GABRG1: variants seen among roughly 807,000 people sequenced by gnomAD.
GABRG1 encodes the protein gamma-aminobutyric acid type A receptor subunit gamma1, also known as gamma-aminobutyric acid receptor subunit gamma-1.
Under a neutral mutation model 49.8 loss-of-function variants are expected in GABRG1, and 49 were observed. That is an observed-to-expected ratio of 0.98 (90% CI 0.78 to 1.25). The LOEUF is 1.25. Among genes scored for constraint, GABRG1 ranks in the 50% most tolerant of loss-of-function variants. The pLI is 0.00. For synonymous variants in GABRG1, 232 were observed against 185.1 expected, an observed-to-expected ratio of 1.25 and a Z score of -2.06; for missense variants, 552 against 552.3, an observed-to-expected ratio of 1.00 and a Z score of 0.01.
At chr4:46,086,536 T>G (rs566990318) in intron 2 of GABRG1, among the ~76,000 whole-genome samples, 1 of 151,718 alleles carries the variant, frequency 6.6e-6, no homozygotes, top group Non-Finnish European at 1.5e-5. Flanking sequence ...TTAGGTCAAT[T>G]AAAAACTCTA....
At chr4:46,095,801 G>A (rs1720146256) in intron 2 of GABRG1, among the ~76,000 whole-genome samples, 1 of 151,796 alleles carries the variant, frequency 6.6e-6, no homozygotes, top group African/African-American at 2.4e-5. Flanking sequence ...ATATACCAAT[G>A]ATGAGAATTT....
intron 5 of GABRG1, among the ~76,000 whole-genome samples, chr4:46,061,051 ACT>A (rs562254832): frequency 8.5e-4 from 130 of 152,270 alleles, no homozygotes; most frequent in African/African-American, 2.9e-3. Context: ...ACCCAATTAA[ACT>A]CACAAAGATA....
At chr4:46,115,350 T>C (rs769021252) in intron 1 of GABRG1, among the ~76,000 whole-genome samples, 12 of 150,728 alleles carry the variant, frequency 8.0e-5, no homozygotes, top group Non-Finnish European at 1.2e-4. Flanking sequence ...AATTATTCCG[T>C]AAGTTGTGTT....
chr4:46,105,339 A>T (rs1012545146), intron 1 of GABRG1, among the ~76,000 whole-genome samples: 2 of 151,498 alleles, frequency 1.3e-5, no homozygotes, highest in Non-Finnish European at 3.0e-5. Flanking sequence ...AAAGAAAATG[A>T]AGCAAACGTC....
chr4:46,045,502 TA>T (rs1278277669), intron 8 of GABRG1, among the ~76,000 whole-genome samples: 1 of 151,440 alleles, frequency 6.6e-6, no homozygotes, highest in African/African-American at 2.4e-5. Flanking sequence ...ATAAGAATAT[TA>T]AGTAATGAGG....
chr4:46,045,666 T>A (rs1258705462), intron 8 of GABRG1, among the ~76,000 whole-genome samples: 1 of 151,964 alleles, frequency 6.6e-6, no homozygotes, highest in East Asian at 1.9e-4. Flanking sequence ...TTAATCACAA[T>A]AATGAATTCA....
intron 3 of GABRG1, among the ~76,000 whole-genome samples, chr4:46,079,364 A>G (rs1719478575): frequency 6.6e-6 from 1 of 151,980 alleles, no homozygotes; most frequent in Non-Finnish European, 1.5e-5. Flanking sequence ...AAGAGGAATC[A>G]GAATTTCTAG....
chr4:46,098,193 G>A (rs917259033), intron 1 of GABRG1, among the ~76,000 whole-genome samples: 2 of 151,642 alleles, frequency 1.3e-5, no homozygotes, highest in African/African-American at 4.8e-5. Context: ...AGATTCAGCT[G>A]ACTTCTGAAT....
chr4:46,105,114 T>C (rs1191850505), intron 1 of GABRG1, among the ~76,000 whole-genome samples: 1 of 151,304 alleles, frequency 6.6e-6, no homozygotes, highest in Non-Finnish European at 1.5e-5. Flanking sequence ...ACTCCATTTT[T>C]TATAAGCAAG....
chr4:46,086,166 T>C (rs1719744803), intron 2 of GABRG1, among the ~76,000 whole-genome samples: 1 of 151,602 alleles, frequency 6.6e-6, no homozygotes, highest in African/African-American at 2.4e-5. Context: ...TGCTTTAAGT[T>C]GCTCAACAGG....
At chr4:46,103,356 A>T (rs910269397) in intron 1 of GABRG1, among the ~76,000 whole-genome samples, 7 of 151,644 alleles carry the variant, frequency 4.6e-5, no homozygotes, top group Non-Finnish European at 8.9e-5. Context: ...TACAGAAAAA[A>T]TTCACTGGAT....
chr4:46,094,930 T>A (rs1416433819), intron 2 of GABRG1, among the ~76,000 whole-genome samples: 1 of 151,656 alleles, frequency 6.6e-6, no homozygotes, highest in African/African-American at 2.4e-5. Context: ...CACAAAATAA[T>A]AAGCAGAAGA....
At chr4:46,075,359 G>A (rs1719289200) in intron 3 of GABRG1, among the ~76,000 whole-genome samples, 1 of 151,618 alleles carries the variant, frequency 6.6e-6, no homozygotes, top group Non-Finnish European at 1.5e-5. Flanking sequence ...ATTTTACTTA[G>A]AATTTTATTT....
chr4:46,080,699 G>C (rs1422349916), intron 3 of GABRG1, among the ~76,000 whole-genome samples: 1 of 151,582 alleles, frequency 6.6e-6, no homozygotes, highest in African/African-American at 2.4e-5. Flanking sequence ...CTTGAATCTT[G>C]TTTCTCTTTA....
chr4:46,077,266 G>T (rs950056225), intron 3 of GABRG1, among the ~76,000 whole-genome samples: 2 of 151,400 alleles, frequency 1.3e-5, no homozygotes, highest in African/African-American at 2.4e-5. Context: ...AAACCTGCAC[G>T]TTGTGCACAT....
intron 5 of GABRG1, 23 bp from the exon 6 acceptor site, chr4:46,058,645 T>C: frequency 6.3e-7 from 1 of 1,589,454 alleles, no homozygotes; most frequent in Non-Finnish European, 8.6e-7. Flanking sequence ...AATACATAGA[T>C]TAGCAAGATC....
At chr4:46,096,274 T>C (rs956582274) in intron 2 of GABRG1, among the ~76,000 whole-genome samples, 2 of 151,730 alleles carry the variant, frequency 1.3e-5, no homozygotes, top group African/African-American at 4.8e-5. Flanking sequence ...AATTGTTGTA[T>C]GGACAGTATG....
At chr4:46,056,892 T>C (rs1289319415) in intron 7 of GABRG1, among the ~76,000 whole-genome samples, 1 of 152,086 alleles carries the variant, frequency 6.6e-6, no homozygotes, top group African/African-American at 2.4e-5. Flanking sequence ...TAATATTGAA[T>C]AAAAATAAGT....
intron 1 of GABRG1, among the ~76,000 whole-genome samples, chr4:46,117,862 A>G (rs1314334851): frequency 1.4e-5 from 1 of 73,506 alleles, no homozygotes; most frequent in Non-Finnish European, 2.3e-5. Context: ...CTATATACAT[A>G]TATACATATG....
Sources: gnomAD v4.1 joint callset for allele counts (sites outside exome capture counted in the v4.1 genomes callset) on GRCh38, gnomAD v4.1.1 for gene constraint, MANE v1.5 for transcripts, NCBI Gene and HGNC (gene_info 2026-07-23, HGNC 2026-07-21) for gene names.